The following PRMT8 variants were observed in gnomAD, a reference collection of about 807,000 sequenced individuals.
The protein encoded by PRMT8 is protein arginine N-methyltransferase 8.
In PRMT8, 7 loss-of-function variants were observed where a neutral mutation model predicts 47.1. That is an observed-to-expected ratio of 0.15 (90% CI 0.08 to 0.28). PRMT8 has a LOEUF of 0.28. PRMT8 is among the 10% of genes least tolerant of loss of function. The pLI, the probability that PRMT8 is intolerant of heterozygous loss-of-function variation, is 1.00. For missense variants in PRMT8, 237 were observed against 505.4 expected, an observed-to-expected ratio of 0.47 and a Z score of 5.09; for synonymous variants, 188 against 186.5, an observed-to-expected ratio of 1.01 and a Z score of -0.07.
At chr12:3,591,971 G>GT (rs1410882736) in intron 8 of PRMT8, among the ~76,000 whole-genome samples, 2 of 152,150 alleles carry the variant, frequency 1.3e-5, no homozygotes, top group Non-Finnish European at 2.9e-5. Context: ...GTATCGGGTT[G>GT]TTTGTCTTCT....
chr12:3,486,517 G>A (rs1263492797), upstream of PRMT8, among the ~76,000 whole-genome samples: 3 of 152,092 alleles, frequency 2.0e-5, no homozygotes, highest in Non-Finnish European at 4.4e-5. Context: ...TTATTGCACT[G>A]GAAAGACTGA....
intron 1 of PRMT8, among the ~76,000 whole-genome samples, chr12:3,516,383 A>T (rs1248869048): frequency 1.3e-5 from 2 of 152,208 alleles, no homozygotes; most frequent in Non-Finnish European, 2.9e-5. Flanking sequence ...ACAAATATTT[A>T]TTGAATGTTC....
chr12:3,516,762 G>A (rs187858187), intron 1 of PRMT8, among the ~76,000 whole-genome samples: 3 of 152,218 alleles, frequency 2.0e-5, no homozygotes, highest in East Asian at 1.9e-4. Flanking sequence ...CCCCTGCTTC[G>A]ATAGCCGATG....
chr12:3,448,133 A>G (rs1359023691), intron 1 of PRMT8, among the ~76,000 whole-genome samples: 1 of 152,184 alleles, frequency 6.6e-6, no homozygotes, highest in African/African-American at 2.4e-5. Context: ...AGCAGCTAGG[A>G]CTACAGGCAT....
chr12:3,568,991 C>T, intron 5 of PRMT8, 143 bp downstream of exon 5: 5 of 1,159,308 alleles, frequency 4.3e-6, no homozygotes, highest in Non-Finnish European at 3.7e-6. Flanking sequence ...CTCTCTAGAG[C>T]AGATCTGTAT....
intron 1 of PRMT8, among the ~76,000 whole-genome samples, chr12:3,479,395 C>G (rs1467656828): frequency 6.6e-6 from 1 of 152,176 alleles, no homozygotes. Flanking sequence ...CTGTGCCTAA[C>G]TGATTGTGTT....
chr12:3,494,422 C>T lies in PRMT8; in HGVS notation c.75+2722C>T, dbSNP rs901795211. Among the ~76,000 whole-genome samples, 13 of 152,194 alleles carry T rather than the reference C, an allele frequency of 8.5e-5. 1 individual carries two copies. The highest frequency in any genetic ancestry group is 4.6e-4 in the Admixed American group (7 of 15,282). On this transcript the variant is annotated intron_variant, in intron 1 of 9. Transcript: ENST00000382622. ...TGAGGACACCGAGGCTGAGGTCAAG[C>T]AATTGCTGAAAGTCTTCTGGTGGGT...
At chr12:3,402,216 C>G (rs1181535028) in intron 1 of PRMT8, among the ~76,000 whole-genome samples, 2 of 152,148 alleles carry the variant, frequency 1.3e-5, no homozygotes, top group Non-Finnish European at 2.9e-5. Context: ...CTGACAAAAA[C>G]AAGCAATGGG....
In PRMT8 at chr12:3,566,935, G is replaced by T. The variant is rs1866730020; in HGVS notation, c.482-1771G>T. ...TTAACAGTGGTATCTAAACTAGCTTGCTCAGATCTTTACAGCAACAAATAC... is the reference window on the plus strand; with the variant it reads ...TTAACAGTGGTATCTAAACTAGCTTTCTCAGATCTTTACAGCAACAAATAC... On this transcript the variant is annotated intron_variant, in intron 4 of 9. Coordinates refer to ENST00000382622, the MANE Select transcript of PRMT8 (RefSeq NM_019854.5). The surrounding 1 kb of genome is among the most constrained non-coding windows in gnomAD (Gnocchi z 4.7). 6.6e-6 allele frequency among the ~76,000 whole-genome samples: 1 copy of T among 152,176 alleles called. No individual in the cohort carries two copies. Among genetic ancestry groups the T allele is most frequent in the Non-Finnish European group, 1.5e-5 (1 of 68,028 alleles).
chr12:3,402,681 A>G (rs1864330109), intron 1 of PRMT8, among the ~76,000 whole-genome samples: 1 of 152,246 alleles, frequency 6.6e-6, no homozygotes, highest in Admixed American at 6.5e-5. Context: ...ACTTCTCAAA[A>G]GAAGACATAC....
At chr12:3,567,673 G>A (rs1026995581) in intron 4 of PRMT8, among the ~76,000 whole-genome samples, 1 of 152,224 alleles carries the variant, frequency 6.6e-6, no homozygotes, top group African/African-American at 2.4e-5. Flanking sequence ...GGTTAGGGGT[G>A]CCAATCCCCC....
intron 8 of PRMT8, among the ~76,000 whole-genome samples, chr12:3,589,955 T>TCATAC (rs1867263745): frequency 1.3e-5 from 2 of 151,260 alleles, no homozygotes; most frequent in Non-Finnish European, 3.0e-5. Context: ...GGGGCGAGAG[T>TCATAC]GCTGTCAGTC....
intron 8 of PRMT8, among the ~76,000 whole-genome samples, chr12:3,589,312 C>T (rs537525191): frequency 4.4e-4 from 67 of 152,302 alleles, no homozygotes; most frequent in Admixed American, 1.0e-3. Flanking sequence ...TTTCTCATCT[C>T]ATCTCATCCT....
chr12:3,547,451 T>C (rs923715541), intron 2 of PRMT8, among the ~76,000 whole-genome samples: 9 of 151,220 alleles, frequency 6.0e-5, no homozygotes, highest in Admixed American at 2.6e-4. Context: ...AAATGAAAAA[T>C]TTTAAACACC....
At chr12:3,589,024 G>A (rs973966324) in intron 8 of PRMT8, among the ~76,000 whole-genome samples, 10 of 152,142 alleles carry the variant, frequency 6.6e-5, no homozygotes, top group Non-Finnish European at 1.3e-4. Flanking sequence ...AGAGAGAGGC[G>A]GCATATCTTT....
intron 1 of PRMT8, among the ~76,000 whole-genome samples, chr12:3,477,070 G>T (rs1461459727): frequency 6.6e-6 from 1 of 152,224 alleles, no homozygotes. Context: ...GGAATGAGGA[G>T]AAGCTTAAAG....
rs1013554525 is a variant in PRMT8, at chr12:3,564,675, C to T, written c.482-4031C>T. The stretch of plus-strand genomic sequence containing the variant: ...TCTGGAATAAAAACATGGATCCGGA[C>T]GGTGACCTCAGTGCAACCTTGAGTT... On this transcript the variant is annotated intron_variant, in intron 4 of 9. Coordinates refer to ENST00000382622, the MANE Select transcript of PRMT8 (RefSeq NM_019854.5). This position sits in a 1 kb window ranked among gnomAD's most constrained non-coding sequence, Gnocchi z 4.0. Among the ~76,000 whole-genome samples, 4 of 152,226 alleles carry T rather than the reference C, an allele frequency of 2.6e-5. No individual in the cohort carries two copies. Among genetic ancestry groups the T allele is most frequent in the Non-Finnish European group, 5.9e-5 (4 of 68,042 alleles).
chr12:3,489,362 G>C (rs1409788853), upstream of PRMT8, among the ~76,000 whole-genome samples: 1 of 151,822 alleles, frequency 6.6e-6, no homozygotes, highest in Non-Finnish European at 1.5e-5. Context: ...GTGTTGGGTG[G>C]GGGCAGAGTG....
chr12:3,409,968 A>T lies in PRMT8; in HGVS notation c.48+28526A>T, dbSNP rs181942672. On this transcript the variant is annotated intron_variant, in intron 1 of 9. Coordinates refer to the PRMT8 transcript ENST00000452611. This position sits in a 1 kb window ranked among gnomAD's most constrained non-coding sequence, Gnocchi z 4.4. ...GTGTAGCAGCAACTGGGAGGCGTGG[A>T]TGGAGTGGCTCTGGCCCTCTGGCAG... Among the ~76,000 whole-genome samples the T allele has an allele frequency of 6.6e-6, 1 of 152,196 alleles. No individual in the cohort carries two copies. The highest frequency in any genetic ancestry group is 1.9e-4 in the East Asian group (1 of 5,192).
Sources: allele counts gnomAD v4.1 joint callset (sites outside exome capture counted in the v4.1 genomes callset), GRCh38; gene constraint gnomAD v4.1.1; non-coding constraint Gnocchi (gnomAD v3.1); transcripts MANE v1.5; gene names NCBI Gene and HGNC (gene_info 2026-07-23, HGNC 2026-07-21).